The following DNAAF1 variants were observed in gnomAD, a reference collection of about 807,000 sequenced individuals.
DNAAF1 encodes dynein axonemal assembly factor 1.
A neutral mutation model predicts 71.1 loss-of-function variants in DNAAF1; 65 were observed. The ratio of observed to expected loss-of-function variants is 0.91; its 90% CI spans 0.75 to 1.12. DNAAF1 has a LOEUF of 1.12. Among genes scored for constraint, DNAAF1 ranks in the 50% most tolerant of loss-of-function variants. DNAAF1 has a pLI of 0.00. For missense variants in DNAAF1, 1,178 were observed against 899.8 expected, an observed-to-expected ratio of 1.31 and a Z score of -3.96; for synonymous variants, 414 against 354.6, an observed-to-expected ratio of 1.17 and a Z score of -1.88.
Position 84,177,768 on chromosome 16 carries a change from T to G in DNAAF1, c.2105T>G (p.Val702Gly). The change falls in exon 12 of 12, where the codon GTC (valine) becomes GGC (glycine). Residue 702 changes from valine to glycine, a missense_variant. By Grantham distance (109) the Val-to-Gly change is moderately radical. Transcript: ENST00000378553. ...GCCGCCACACCCCCAGAGACGTGTG[T>G]CGGAGTTGCCCAGCCCAGCCAAGCT... is the stretch of plus-strand genomic sequence containing the variant. The part of the protein sequence containing the change: ...ESAATPPETC[V>G]GVAQPSQALP... The G allele has an allele frequency of 6.2e-7, 1 of 1,614,010 alleles. No individual in the cohort carries two copies. The highest frequency in any genetic ancestry group is 2.2e-5 in the East Asian group (1 of 44,872).
chr16:84,163,561 A>G (rs1368438355), intron 6 of DNAAF1, among the ~76,000 whole-genome samples: 1 of 151,826 alleles, frequency 6.6e-6, no homozygotes, highest in East Asian at 1.9e-4. Flanking sequence ...TTCTATTTTT[A>G]GTAGAGACAG....
intron 7 of DNAAF1, among the ~76,000 whole-genome samples, chr16:84,169,483 G>A (rs574074289): frequency 2.0e-5 from 3 of 150,644 alleles, no homozygotes; most frequent in Admixed American, 6.6e-5. Flanking sequence ...GCAGTGGCGC[G>A]ATCTTGGCTC....
chr16:84,145,356 T>C lies in DNAAF1; in HGVS notation c.-85T>C. 6.5e-7 allele frequency: 1 copy of C among 1,536,388 alleles called. No homozygotes were observed. The highest frequency in any genetic ancestry group is 8.8e-7 in the Non-Finnish European group (1 of 1,142,506). ...TGGCGAAGAAGGAAAGAGGGTACTC[T>C]CTGGCTGGGCTGGGGCCGTAGCGAC... On this transcript the variant is annotated 5_prime_UTR_variant, in exon 1 of 12. Coordinates refer to ENST00000378553, the MANE Select transcript of DNAAF1 (RefSeq NM_178452.6).
chr16:84,148,594 C>CTTTTTTTTTTTTTTTTTTTTTTTT (rs2087025255), intron 1 of DNAAF1, among the ~76,000 whole-genome samples: 9 of 30,048 alleles, frequency 3.0e-4, no homozygotes, highest in Non-Finnish European at 4.4e-4. Context: ...CTCTCTCTCT[C>CTTTTTTTTTTTTTTTTTTTTTTTT]TCTTTTTTTT....
chr16:84,147,395 C>T (rs554199709), intron 1 of DNAAF1, among the ~76,000 whole-genome samples: 4 of 152,102 alleles, frequency 2.6e-5, no homozygotes, highest in Admixed American at 6.5e-5. Context: ...AAGTTAAGTG[C>T]GGTTGAATTG....
chr16:84,159,152 C>G (rs1052873823), intron 5 of DNAAF1: 1 of 996,044 alleles, frequency 1.0e-6, no homozygotes, highest in Non-Finnish European at 1.2e-6. Context: ...TCCTAAGTGA[C>G]AGCGGGGAGA....
intron 10 of DNAAF1, chr16:84,175,186 G>A (rs948394168): frequency 8.9e-6 from 2 of 225,132 alleles, no homozygotes; most frequent in African/African-American, 4.5e-5. Flanking sequence ...CTTGCTGAAG[G>A]AAATGCCATT....
chr16:84,175,978 G>A lies in DNAAF1; in HGVS notation c.1744G>A (p.Asp582Asn), dbSNP rs1324548614. 6.2e-7 allele frequency: 1 copy of A among 1,614,134 alleles called. No individual in the cohort carries two copies. Reference protein sequence around the residue: ...KIEVISSLSDDSDPELDYTSL... With the variant: ...KIEVISSLSDNSDPELDYTSL... ...TGAGGTCATCTCGAGCTTGAGTGAT[G>A]ACAGTGACCCTGAACTGGACTACAC... The change falls in exon 11 of 12, where the codon GAC becomes AAC. Residue 582 changes from aspartate (D) to asparagine (N), a missense_variant. By Grantham distance (23) the Asp-to-Asn change is conservative. Coordinates refer to ENST00000378553, the MANE Select transcript of DNAAF1 (RefSeq NM_178452.6).
intron 1 of DNAAF1, among the ~76,000 whole-genome samples, chr16:84,147,693 T>C (rs906366241): frequency 6.6e-6 from 1 of 152,108 alleles, no homozygotes; most frequent in African/African-American, 2.4e-5. Context: ...CCAGCAAGAA[T>C]TGAAAATGAG....
In DNAAF1 at chr16:84,170,336, C is replaced by G. The variant is rs557532640; in HGVS notation, c.1508C>G (p.Pro503Arg). ...CCAGCTGAGGCCCCACCACCACCGCCCCTGGGAGCTGCCAGGGAAGGTAAT... is the reference window on the plus strand; with the variant it reads ...CCAGCTGAGGCCCCACCACCACCGCGCCTGGGAGCTGCCAGGGAAGGTAAT... ...TLPAEAPPPP[P>R]LGAAREEPTP... is the part of the protein sequence containing the mutation. The change falls in exon 8 of 12, where the codon CCC (proline) becomes CGC (arginine). Residue 503 changes from proline to arginine, a missense_variant. Pro to Arg is a moderately radical substitution (Grantham distance 103, BLOSUM62 -2). Coordinates refer to ENST00000378553, the MANE Select transcript of DNAAF1 (RefSeq NM_178452.6). The G allele has an allele frequency of 1.2e-6, 2 of 1,613,866 alleles. No homozygotes were observed. The highest frequency in any genetic ancestry group is 1.3e-5 in the African/African-American group (1 of 75,054).
At chr16:84,171,714 G>T (rs560137705) in intron 8 of DNAAF1, among the ~76,000 whole-genome samples, 1 of 152,044 alleles carries the variant, frequency 6.6e-6, no homozygotes, top group Non-Finnish European at 1.5e-5. Context: ...AGATTCCTGC[G>T]GCTGCTGCTT....
Position 84,145,492 on chromosome 16 carries a change from T to A in DNAAF1, c.52T>A (p.Cys18Ser). The A allele has an allele frequency of 6.4e-7, 1 of 1,571,598 alleles. No homozygotes were observed. The highest frequency in any genetic ancestry group is 8.6e-7 in the Non-Finnish European group (1 of 1,158,374). Reference protein sequence around the residue: ...PATGGAAELDCAQEPGVEESA... With the variant: ...PATGGAAELDSAQEPGVEESA... ...GACAGGTGGTGCAGCAGAGCTGGAT[T>A]GCGCGCAGGAGCCCGGCGTGGAGGA... Residue 18 changes from cysteine to serine, a missense_variant, in exon 1 of 12, where the codon TGC becomes AGC. Cys to Ser is a moderately radical substitution (Grantham distance 112). Transcript: ENST00000378553.
intron 11 of DNAAF1, chr16:84,176,521 G>T: frequency 3.0e-6 from 2 of 677,888 alleles, no homozygotes; most frequent in East Asian, 2.8e-5. Context: ...CACCGAGCCA[G>T]CCTCCTCTTG....
In DNAAF1 at chr16:84,155,145, T is replaced by G. The variant is rs8051633; in HGVS notation, c.574+347T>G. The stretch of plus-strand genomic sequence containing the variant: ...GGATGGTCTCGATCTCCTGACCTCG[T>G]GATCCGCCCGCCTTGGCCTCCCAAA... On this transcript the variant is annotated intron_variant, in intron 4 of 11. Coordinates refer to ENST00000378553, the MANE Select transcript of DNAAF1 (RefSeq NM_178452.6). 9.7e-3 allele frequency among the ~76,000 whole-genome samples: 1,484 copies of G among 152,310 alleles called. 27 individuals carry two copies. The highest frequency in any genetic ancestry group is 0.034 in the African/African-American group (1,416 of 41,576).
chr16:84,174,603 G>T, intron 9 of DNAAF1, 66 bp from the exon 10 acceptor site: 3 of 1,613,574 alleles, frequency 1.9e-6, no homozygotes, highest in Non-Finnish European at 2.5e-6. Context: ...TGCCTTTATC[G>T]TGCCTATCAG....
At chr16:84,161,915 C>G (rs553397841) in intron 6 of DNAAF1, among the ~76,000 whole-genome samples, 4 of 152,134 alleles carry the variant, frequency 2.6e-5, no homozygotes, top group African/African-American at 9.7e-5. Context: ...ACTAAAAGGG[C>G]TCCTCTAACA....
chr16:84,146,981 G>T (rs2086944474), intron 1 of DNAAF1, among the ~76,000 whole-genome samples: 1 of 152,210 alleles, frequency 6.6e-6, no homozygotes, highest in Admixed American at 6.5e-5. Flanking sequence ...GCATTACTCA[G>T]TGGAAAGACA....
intron 6 of DNAAF1, among the ~76,000 whole-genome samples, chr16:84,160,888 G>C (rs1199912837): frequency 2.0e-5 from 3 of 150,630 alleles, no homozygotes; most frequent in African/African-American, 7.3e-5. Context: ...AGTGAGCTGA[G>C]ATCGCGCCAC....
intron 7 of DNAAF1, among the ~76,000 whole-genome samples, chr16:84,168,944 C>G (rs2088173818): frequency 6.6e-6 from 1 of 151,984 alleles, no homozygotes; most frequent in Admixed American, 6.6e-5. Context: ...CTCCTAAGAA[C>G]TGCCTGCATT....
Sources: allele counts gnomAD v4.1 joint callset (sites outside exome capture counted in the v4.1 genomes callset), GRCh38; gene constraint gnomAD v4.1.1; transcripts MANE v1.5; gene names NCBI Gene and HGNC (gene_info 2026-07-23, HGNC 2026-07-21).